Variants in PAK4 observed in about 807,000 individuals in gnomAD.
PAK4 encodes the protein p21 (RAC1) activated kinase 4, also known as serine/threonine-protein kinase PAK 4.
Under a neutral mutation model 53.5 loss-of-function variants are expected in PAK4, and 49 were observed. That is an observed-to-expected ratio of 0.92 (90% CI 0.73 to 1.16). The LOEUF (loss-of-function observed/expected upper bound fraction) is 1.16, where lower values mean the gene tolerates loss of function less well. PAK4 is among the 50% of genes most tolerant of loss of function. The pLI, the probability that PAK4 is intolerant of heterozygous loss-of-function variation, is 0.00. For missense variants in PAK4, 824 were observed against 850.7 expected, an observed-to-expected ratio of 0.97 and a Z score of 0.39; for synonymous variants, 376 against 375.6, an observed-to-expected ratio of 1.00 and a Z score of -0.01.
intron 1 of PAK4, among the ~76,000 whole-genome samples, chr19:39,163,231 G>A (rs554452593): frequency 1.3e-5 from 2 of 152,302 alleles, no homozygotes; most frequent in Middle Eastern, 6.8e-3. Context: ...GCTGGAGGCA[G>A]TGAGCGGTCT....
intron 1 of PAK4, among the ~76,000 whole-genome samples, chr19:39,130,520 G>A (rs960491374): frequency 6.6e-6 from 1 of 152,094 alleles, no homozygotes; most frequent in African/African-American, 2.4e-5. Flanking sequence ...TCATGGGTAC[G>A]GAAGTGCCAA....
chr19:39,146,162 C>G (rs1054590374), intron 1 of PAK4, among the ~76,000 whole-genome samples: 1 of 152,334 alleles, frequency 6.6e-6, no homozygotes, highest in African/African-American at 2.4e-5. Flanking sequence ...GAGTCCAGCC[C>G]TGTCAGGCTG....
intron 1 of PAK4, among the ~76,000 whole-genome samples, chr19:39,150,171 G>T (rs1600345393): frequency 1.1e-5 from 1 of 93,904 alleles, no homozygotes; most frequent in East Asian, 3.2e-4. Context: ...TCTCTGTCCT[G>T]TTCCGCTGCT....
chr19:39,169,665 C>CTA lies in PAK4; in HGVS notation c.112_113insTA (p.Gln38LeufsTer6). On this transcript the variant is annotated frameshift_variant, in exon 2 of 9. Coordinates refer to ENST00000358301, the Ensembl canonical transcript of PAK4. LOFTEE classifies it high-confidence loss of function. ...GCAGAAGTTCACGGGGCTGCCCCGC[C>CTA]AGTGGCAGAGCCTGATCGAGGAGTC... The CTA allele has an allele frequency of 6.2e-7, 1 of 1,613,556 alleles. No individual in the cohort carries two copies. Among genetic ancestry groups the CTA allele is most frequent in the Non-Finnish European group, 8.5e-7 (1 of 1,179,882 alleles).
rs181459390 is a variant in PAK4, at chr19:39,178,166, C to G, written c.1621-258C>G. Among the ~76,000 whole-genome samples the G allele has an allele frequency of 9.9e-5, 15 of 152,212 alleles. No homozygotes were observed. In the East Asian group the frequency reaches 2.7e-3, roughly 27 times the overall value. On this transcript the variant is annotated intron_variant, in intron 8 of 8. Coordinates refer to ENST00000358301, the Ensembl canonical transcript of PAK4. The surrounding 1 kb of genome is among the most constrained non-coding windows in gnomAD (Gnocchi z 4.4). The stretch of plus-strand genomic sequence containing the variant: ...GGCCCCAGTTGCTTTCAGCTTCTTG[C>G]TAAACCATGGAAATAGGGAGTACAT...
chr19:39,167,114 C>T (rs916151281), intron 1 of PAK4, among the ~76,000 whole-genome samples: 3 of 152,210 alleles, frequency 2.0e-5, no homozygotes, highest in Admixed American at 1.3e-4. Flanking sequence ...CCCCAGGTGT[C>T]CCCCACCTCA....
intron 1 of PAK4, among the ~76,000 whole-genome samples, chr19:39,145,707 C>T (rs987032237): frequency 2.6e-5 from 4 of 152,304 alleles, no homozygotes; most frequent in African/African-American, 7.2e-5. Context: ...GTGTGCACCA[C>T]GGAGGGGCCT....
intron 1 of PAK4, among the ~76,000 whole-genome samples, chr19:39,129,794 C>T (rs1288033297): frequency 6.6e-6 from 1 of 152,170 alleles, no homozygotes; most frequent in Non-Finnish European, 1.5e-5. Context: ...CAGCTTTGCC[C>T]CAACTGCCCT....
In PAK4 at chr19:39,178,045, C is replaced by T. The variant is rs189806215; in HGVS notation, c.1620+236C>T. Among the ~76,000 whole-genome samples the T allele has an allele frequency of 3.5e-4, 54 of 152,254 alleles. No homozygotes were observed. The East Asian group carries it at 0.01, about 28-fold the overall frequency. On this transcript the variant is annotated intron_variant, in intron 8 of 8. Transcript: ENST00000358301. The surrounding 1 kb of genome is among the most constrained non-coding windows in gnomAD (Gnocchi z 4.4). ...GCACCCTCACCATTGCCCTGGGCCC[C>T]ACCCAGCCCTAGAGAGATTTGCACG...
At position 39,177,763 on chromosome 19, in the gene PAK4, A is replaced by G. The variant is rs751964232; in HGVS notation, c.1574A>G (p.Lys525Arg). 2 of 1,613,630 alleles carry G rather than the reference A, an allele frequency of 1.2e-6. No individual in the cohort carries two copies. Among genetic ancestry groups the G allele is most frequent in the Admixed American group, 1.7e-5 (1 of 59,968 alleles). ...AACGAGCCACCCCTCAAAGCCATGAAGATGATTCGGGACAACCTGCCACCC... is the reference window on the plus strand; with the variant it reads ...AACGAGCCACCCCTCAAAGCCATGAGGATGATTCGGGACAACCTGCCACCC... Residue 525 changes from lysine (K) to arginine (R), a missense_variant, in exon 8 of 9, where the codon AAG (lysine) becomes AGG (arginine). Physicochemically the swap from Lys to Arg is conservative, Grantham distance 26 (BLOSUM62 2). Around this residue, in one of 2 missense-constraint regions of PAK4, gnomAD observed 346 missense variants for 415.0 expected, o/e 0.83. Coordinates refer to ENST00000358301, the Ensembl canonical transcript of PAK4.
intron 1 of PAK4, among the ~76,000 whole-genome samples, chr19:39,157,961 A>G (rs1250018960): frequency 1.3e-5 from 2 of 152,202 alleles, no homozygotes; most frequent in African/African-American, 4.8e-5. Flanking sequence ...GACATCTTGC[A>G]TGCTCTGGCA....
Position 39,177,947 on chromosome 19 carries a change from C to T in PAK4, c.1620+138C>T, listed in dbSNP as rs1017755951. 39 of 992,128 alleles carry T rather than the reference C, an allele frequency of 3.9e-5. 1 individual carries two copies. The Middle Eastern group carries it at 9.7e-4, about 25-fold the overall frequency. 61.5% of individuals were successfully genotyped at this position (992,128 alleles called of 1,614,324 possible). ...TACTGTGTGCTGGGCCCCCCACCCC[C>T]GGGCCTCATGTGTCTGTGCAGACCC... On this transcript the variant is annotated intron_variant, in intron 8 of 8. Transcript: ENST00000358301.
chr19:39,149,699 A>G (rs1174488995), intron 1 of PAK4, among the ~76,000 whole-genome samples: 2 of 152,144 alleles, frequency 1.3e-5, no homozygotes, highest in East Asian at 3.8e-4. Flanking sequence ...TACTAAAAAT[A>G]TAAAAAATTA....
Position 39,173,599 on chromosome 19 carries a change from TAACGGGCCA to T in PAK4, c.688_696del (p.Asn230_Pro232del). The T allele has an allele frequency of 6.5e-7, 1 of 1,529,014 alleles. No individual in the cohort carries two copies. The highest frequency in any genetic ancestry group is 1.3e-5 in the South Asian group (1 of 76,836). The allele number at this position is 1,529,014 out of a possible 1,614,324, so 94.7% of individuals were successfully genotyped here. ...AGGGGGAGCCTCATGACGTGGCCCC[TAACGGGCCA>T]TCAGCGGGGGGCCTGGCCATCCCCC... On this transcript the variant is annotated inframe_deletion, in exon 4 of 9. Coordinates refer to ENST00000358301, the Ensembl canonical transcript of PAK4. The surrounding 1 kb of genome is among the most constrained non-coding windows in gnomAD (Gnocchi z 6.9).
In PAK4 at chr19:39,173,921, A is replaced by G; in HGVS notation, c.1009A>G (p.Ile337Val). The G allele has an allele frequency of 6.2e-7, 1 of 1,611,908 alleles. No homozygotes were observed. Among genetic ancestry groups the G allele is most frequent in the Non-Finnish European group, 8.5e-7 (1 of 1,179,614 alleles). ...CGAGGGCTCCACGGGCATCGTGTGC[A>G]TCGCCACCGTGCGCAGCTCGGGCAA... Residue 337 changes from isoleucine (I) to valine (V), a missense_variant, in exon 4 of 9, where the codon ATC becomes GTC. Ile to Val is a conservative substitution (Grantham distance 29, BLOSUM62 3). Around this residue, in one of 2 missense-constraint regions of PAK4, gnomAD observed 346 missense variants for 415.0 expected, o/e 0.83. Coordinates refer to ENST00000358301, the Ensembl canonical transcript of PAK4. This position sits in a 1 kb window ranked among gnomAD's most constrained non-coding sequence, Gnocchi z 6.9.
At chr19:39,163,602 G>C (rs1207486210) in intron 1 of PAK4, among the ~76,000 whole-genome samples, 1 of 152,192 alleles carries the variant, frequency 6.6e-6, no homozygotes, top group African/African-American at 2.4e-5. Flanking sequence ...GGTCAACGCT[G>C]CCTGTCCCGC....
At chr19:39,129,492 G>T (rs549846717) in intron 1 of PAK4, among the ~76,000 whole-genome samples, 208 of 152,280 alleles carry the variant, frequency 1.4e-3, no homozygotes, top group Non-Finnish European at 2.2e-3. Flanking sequence ...GCCAAGTCAT[G>T]CCCCCAGTGG....
chr19:39,146,354 G>A (rs187743407), intron 1 of PAK4, among the ~76,000 whole-genome samples: 2 of 152,358 alleles, frequency 1.3e-5, no homozygotes, highest in African/African-American at 2.4e-5. Flanking sequence ...CCTCCTGGAG[G>A]AGGAGACTTC....
chr19:39,144,834 G>A (rs1414602322), intron 1 of PAK4, among the ~76,000 whole-genome samples: 2 of 152,140 alleles, frequency 1.3e-5, no homozygotes, highest in Non-Finnish European at 2.9e-5. Flanking sequence ...AAAGAAATGA[G>A]GAGAGACTGC....
Sources: allele counts gnomAD v4.1 joint callset (sites outside exome capture counted in the v4.1 genomes callset), GRCh38; gene constraint gnomAD v4.1.1; regional missense constraint gnomAD v4.1.1; non-coding constraint Gnocchi (gnomAD v3.1); transcripts MANE v1.5; gene names NCBI Gene and HGNC (gene_info 2026-07-23, HGNC 2026-07-21).